The following HMGCLL1 variants were observed in gnomAD, a reference collection of about 807,000 sequenced individuals.
HMGCLL1 encodes the protein 3-hydroxymethyl-3-methylglutaryl-CoA lyase, cytoplasmic.
A neutral mutation model predicts 39.1 loss-of-function variants in HMGCLL1; 36 were observed. The ratio of observed to expected loss-of-function variants is 0.92; its 90% CI spans 0.71 to 1.22. HMGCLL1 has a LOEUF of 1.22. Among genes scored for constraint, HMGCLL1 ranks in the 50% most tolerant of loss-of-function variants. The probability of loss-of-function intolerance (pLI) is 0.00; values close to 1 mark genes in which losing one functional copy is unlikely to be tolerated. For missense variants in HMGCLL1, 451 were observed against 416.5 expected, an observed-to-expected ratio of 1.08 and a Z score of -0.72; for synonymous variants, 149 against 144.0, an observed-to-expected ratio of 1.03 and a Z score of -0.25.
Position 55,541,728 on chromosome 6 carries a change from C to A in HMGCLL1, c.297+1G>T, listed in dbSNP as rs769986217. Reference sequence around the variant, plus strand: ...AATTAAGAAATTGTGGGTTTACATACCTGTGGTACCCATCTGGAAGACACA... The same window carrying A: ...AATTAAGAAATTGTGGGTTTACATAACTGTGGTACCCATCTGGAAGACACA... On this transcript the variant is annotated splice_donor_variant, in intron 3 of 8. Transcript: ENST00000274901. LOFTEE classifies it high-confidence loss of function. 3 of 1,524,154 alleles carry A rather than the reference C, an allele frequency of 2.0e-6. No homozygotes were observed. In the Middle Eastern group the frequency reaches 5.2e-4, roughly 263 times the overall value. 94.4% of individuals were successfully genotyped at this position (1,524,154 alleles called of 1,614,324 possible).
intron 1 of HMGCLL1, among the ~76,000 whole-genome samples, chr6:55,574,129 A>G (rs1171037989): frequency 6.6e-6 from 1 of 152,028 alleles, no homozygotes; most frequent in African/African-American, 2.4e-5. Flanking sequence ...GTGTGTATAT[A>G]TATACATTAG....
intron 7 of HMGCLL1, among the ~76,000 whole-genome samples, chr6:55,469,937 A>G (rs1267734724): frequency 6.6e-6 from 1 of 151,888 alleles, no homozygotes. Flanking sequence ...AATGTTTTCC[A>G]CATGTCCATT....
chr6:55,471,057 C>A (rs1269537555), intron 7 of HMGCLL1, among the ~76,000 whole-genome samples: 1 of 151,728 alleles, frequency 6.6e-6, no homozygotes, highest in East Asian at 1.9e-4. Flanking sequence ...TATAAGCCTG[C>A]CTTCATCGAA....
At chr6:55,502,692 T>TTTGTTTTC (rs1351537529) in intron 5 of HMGCLL1, among the ~76,000 whole-genome samples, 9 of 137,934 alleles carry the variant, frequency 6.5e-5, no homozygotes, top group Non-Finnish European at 1.3e-4. Context: ...AAATACTAAT[T>TTTGTTTTC]TTGTTTTCTG....
chr6:55,592,133 A>G, the HMGCLL1 span, among the ~76,000 whole-genome samples: 1 of 151,996 alleles, frequency 6.6e-6, no homozygotes, highest in East Asian at 1.9e-4. Flanking sequence ...TCAGGGAGAG[A>G]TGGGACAACA....
chr6:55,527,627 G>C (rs1768392565), intron 3 of HMGCLL1, among the ~76,000 whole-genome samples: 1 of 152,026 alleles, frequency 6.6e-6, no homozygotes, highest in Non-Finnish European at 1.5e-5. Context: ...TATAACAGAT[G>C]ATGACACTGA....
chr6:55,664,561 C>G, the HMGCLL1 span, among the ~76,000 whole-genome samples: 1 of 151,728 alleles, frequency 6.6e-6, no homozygotes, highest in African/African-American at 2.4e-5. Flanking sequence ...TTTAAACTGT[C>G]AAATTTAAGT....
chr6:55,445,126 T>A (rs769877552), intron 7 of HMGCLL1, among the ~76,000 whole-genome samples: 1 of 152,036 alleles, frequency 6.6e-6, no homozygotes, highest in African/African-American at 2.4e-5. Context: ...CCCTTTAAAG[T>A]CTCTCTTTTT....
the HMGCLL1 span, among the ~76,000 whole-genome samples, chr6:55,603,022 G>A: frequency 6.6e-6 from 1 of 152,010 alleles, no homozygotes; most frequent in African/African-American, 2.4e-5. Context: ...TGCTGTTCCA[G>A]AGACCAAACT....
At chr6:55,451,428 G>T (rs556014818) in intron 7 of HMGCLL1, among the ~76,000 whole-genome samples, 3 of 152,192 alleles carry the variant, frequency 2.0e-5, no homozygotes, top group South Asian at 4.1e-4. Flanking sequence ...TTCAAGACCA[G>T]CCTGGCCAAC....
chr6:55,542,471 T>C (rs1199532049), intron 1 of HMGCLL1, among the ~76,000 whole-genome samples: 1 of 151,992 alleles, frequency 6.6e-6, no homozygotes, highest in Non-Finnish European at 1.5e-5. Context: ...CTAACTACTG[T>C]TAGAGTTCAT....
upstream of HMGCLL1, among the ~76,000 whole-genome samples, chr6:55,583,464 C>T (rs9475352): frequency 6.7e-3 from 1,022 of 151,728 alleles, 7 homozygotes; most frequent in African/African-American, 0.023. Context: ...TTTGTCCTTG[C>T]GATAGTTTAC....
At chr6:55,618,558 T>C in the HMGCLL1 span, among the ~76,000 whole-genome samples, 3 of 152,024 alleles carry the variant, frequency 2.0e-5, no homozygotes, top group Non-Finnish European at 2.9e-5. Context: ...AATTTCCATA[T>C]TACAGCACAA....
At chr6:55,443,979 G>A (rs977679106) in intron 7 of HMGCLL1, among the ~76,000 whole-genome samples, 11 of 152,094 alleles carry the variant, frequency 7.2e-5, no homozygotes, top group African/African-American at 2.7e-4. Flanking sequence ...TCTTTGAAGT[G>A]TGAATATAAA....
the HMGCLL1 span, among the ~76,000 whole-genome samples, chr6:55,636,098 A>C: frequency 8.1e-4 from 123 of 152,260 alleles, no homozygotes; most frequent in Non-Finnish European, 1.4e-3. Flanking sequence ...TACTTGTTTC[A>C]TTTTCACAAG....
intron 1 of HMGCLL1, among the ~76,000 whole-genome samples, chr6:55,543,335 C>A (rs577475260): frequency 0.054 from 340 of 6,248 alleles, 117 homozygotes; most frequent in Non-Finnish European, 0.1. Flanking sequence ...TATTATATAT[C>A]ATATATGATA....
chr6:55,501,620 C>T (rs941064865), intron 5 of HMGCLL1, among the ~76,000 whole-genome samples: 1 of 151,854 alleles, frequency 6.6e-6, no homozygotes, highest in Non-Finnish European at 1.5e-5. Flanking sequence ...TGGTTCTCAA[C>T]CTTGGCTGCA....
intron 8 of HMGCLL1, among the ~76,000 whole-genome samples, chr6:55,437,585 G>A (rs991569529): frequency 2.0e-5 from 3 of 151,896 alleles, no homozygotes; most frequent in African/African-American, 7.2e-5. Flanking sequence ...TGGCGTATAT[G>A]GATAAAGGCA....
chr6:55,524,395 TTC>T (rs1250945221), intron 3 of HMGCLL1, among the ~76,000 whole-genome samples: 1 of 151,548 alleles, frequency 6.6e-6, no homozygotes, highest in Non-Finnish European at 1.5e-5. Context: ...ATTTCATAAG[TTC>T]TTTTTTCTCA....
Sources: gnomAD v4.1 joint callset for allele counts (sites outside exome capture counted in the v4.1 genomes callset) on GRCh38, gnomAD v4.1.1 for gene constraint, MANE v1.5 for transcripts, NCBI Gene and HGNC (gene_info 2026-07-23, HGNC 2026-07-21) for gene names.